Variants in ACER2 observed in about 807,000 individuals in gnomAD.
The protein encoded by ACER2 is alkCDase 2.
In ACER2, 26 loss-of-function variants were observed where a neutral mutation model predicts 34.7. The ratio of observed to expected loss-of-function variants is 0.75; its 90% CI spans 0.55 to 1.04. ACER2 has a LOEUF of 1.04. ACER2 is among the 50% of genes least tolerant of loss of function. The probability of loss-of-function intolerance (pLI) is 0.00; values close to 1 mark genes in which losing one functional copy is unlikely to be tolerated. For missense variants in ACER2, 352 were observed against 340.8 expected, an observed-to-expected ratio of 1.03 and a Z score of -0.26; for synonymous variants, 138 against 132.1, an observed-to-expected ratio of 1.04 and a Z score of -0.31.
chr9:19,432,079 G>C (rs1397678703), intron 3 of ACER2, among the ~76,000 whole-genome samples: 1 of 152,204 alleles, frequency 6.6e-6, no homozygotes, highest in Non-Finnish European at 1.5e-5. Flanking sequence ...AGAAGAAAGA[G>C]CGTGTCTAGG....
At chr9:19,427,146 T>C (rs1830596308) in intron 3 of ACER2, among the ~76,000 whole-genome samples, 1 of 152,186 alleles carries the variant, frequency 6.6e-6, no homozygotes, top group Non-Finnish European at 1.5e-5. Flanking sequence ...TAAAATTAGG[T>C]AAACAATAGT....
At chr9:19,426,355 TCTTTC>T (rs1830569215) in intron 3 of ACER2, among the ~76,000 whole-genome samples, 1 of 131,060 alleles carries the variant, frequency 7.6e-6, no homozygotes, top group South Asian at 2.6e-4. Flanking sequence ...TTTCTCCCTC[TCTTTC>T]TCTCTCTCTC....
At chr9:19,414,529 T>A (rs1830181609) in intron 1 of ACER2, among the ~76,000 whole-genome samples, 1 of 152,178 alleles carries the variant, frequency 6.6e-6, no homozygotes, top group African/African-American at 2.4e-5. Flanking sequence ...ACACCTCTAA[T>A]CCTAGTACTT....
chr9:19,438,561 A>G (rs76388005), intron 4 of ACER2, among the ~76,000 whole-genome samples: 38 of 152,348 alleles, frequency 2.5e-4, no homozygotes, highest in Non-Finnish European at 5.0e-4. Context: ...TGGCAAACAC[A>G]TAATTAAATT....
intron 1 of ACER2, among the ~76,000 whole-genome samples, chr9:19,416,036 G>C (rs553731732): frequency 6.6e-6 from 1 of 150,750 alleles, no homozygotes; most frequent in Admixed American, 6.7e-5. Flanking sequence ...CTCTGGGGAA[G>C]AGGCTAGAAA....
chr9:19,424,694 T>G lies in ACER2; in HGVS notation c.224-6T>G. 6.2e-7 allele frequency: 1 copy of G among 1,612,962 alleles called. No individual in the cohort carries two copies. ...ACCTTTTTTTATTGGTTGTAATTGA[T>G]TCTAGGAATTGGATCCGTCTACTTC... On this transcript the variant is annotated splice_polypyrimidine_tract_variant and splice_region_variant and intron_variant, in intron 2 of 5. Transcript: ENST00000340967.
intron 1 of ACER2, among the ~76,000 whole-genome samples, chr9:19,421,776 T>G (rs1035669189): frequency 4.7e-5 from 7 of 148,970 alleles, no homozygotes; most frequent in African/African-American, 7.7e-5. Context: ...TTTTTAAAGT[T>G]CAGAAAAAAA....
chr9:19,434,390 C>T (rs1830885809), intron 3 of ACER2, among the ~76,000 whole-genome samples: 1 of 152,232 alleles, frequency 6.6e-6, no homozygotes, highest in Non-Finnish European at 1.5e-5. Context: ...GCAGAGGCTG[C>T]AATCTCGGCA....
intron 3 of ACER2, among the ~76,000 whole-genome samples, chr9:19,430,985 A>G (rs1251704472): frequency 6.7e-6 from 1 of 149,798 alleles, no homozygotes; most frequent in East Asian, 1.9e-4. Flanking sequence ...AAAAAACCCA[A>G]CAAAACCAAA....
intron 1 of ACER2, among the ~76,000 whole-genome samples, chr9:19,421,000 C>T (rs577505988): frequency 6.6e-6 from 1 of 152,258 alleles, no homozygotes; most frequent in Admixed American, 6.5e-5. Context: ...CATACTTACA[C>T]AAATCTAGAT....
At chr9:19,447,474 C>T (rs1831408567) in intron 5 of ACER2, among the ~76,000 whole-genome samples, 1 of 152,160 alleles carries the variant, frequency 6.6e-6, no homozygotes, top group African/African-American at 2.4e-5. Flanking sequence ...TTGGAGTTTA[C>T]CGTCTTAGGA....
chr9:19,435,167 C>G lies in ACER2; in HGVS notation c.503+83C>G, dbSNP rs936123494. The G allele has an allele frequency of 2.0e-6, 3 of 1,496,948 alleles. No individual in the cohort carries two copies. In the African/African-American group the frequency reaches 4.2e-5, roughly 21 times the overall value. The allele number at this position is 1,496,948 out of a possible 1,614,324, so 92.7% of individuals were successfully genotyped here. ...TCGGGGCTTCTTTGCTGTCCTGTAG[C>G]AGAAGAGGAGTTTTATTCCTTGTGA... On this transcript the variant is annotated intron_variant, in intron 4 of 5. Coordinates refer to ENST00000340967, the MANE Select transcript of ACER2 (RefSeq NM_001010887.3).
At chr9:19,440,116 G>T (rs546647702) in intron 4 of ACER2, among the ~76,000 whole-genome samples, 9 of 152,216 alleles carry the variant, frequency 5.9e-5, no homozygotes, top group African/African-American at 2.2e-4. Flanking sequence ...AGACCCCCCT[G>T]TATCTTATGT....
chr9:19,426,772 G>A (rs1830583968), intron 3 of ACER2, among the ~76,000 whole-genome samples: 1 of 151,980 alleles, frequency 6.6e-6, no homozygotes, highest in South Asian at 2.1e-4. Context: ...CTTTAATAAT[G>A]AAAACAGAGC....
chr9:19,423,569 T>C (rs1563876886), intron 1 of ACER2, among the ~76,000 whole-genome samples: 1 of 152,000 alleles, frequency 6.6e-6, no homozygotes, highest in Non-Finnish European at 1.5e-5. Context: ...GGTATGGTGG[T>C]GGGTGCCTGT....
chr9:19,441,474 A>AG (rs1259493180), intron 4 of ACER2, among the ~76,000 whole-genome samples: 2 of 152,102 alleles, frequency 1.3e-5, no homozygotes, highest in Non-Finnish European at 2.9e-5. Flanking sequence ...TTCCATCCTC[A>AG]GCCACTCTGA....
intron 4 of ACER2, among the ~76,000 whole-genome samples, chr9:19,437,210 C>A (rs1343175376): frequency 1.3e-5 from 2 of 152,222 alleles, no homozygotes; most frequent in Non-Finnish European, 2.9e-5. Context: ...TCAGAGCCTT[C>A]CTAAACTGTA....
At chr9:19,410,486 G>C (rs764267286) in intron 1 of ACER2, among the ~76,000 whole-genome samples, 2 of 152,204 alleles carry the variant, frequency 1.3e-5, no homozygotes, top group Non-Finnish European at 2.9e-5. Context: ...AAGGCAGGTG[G>C]ATCGCTTGAA....
intron 5 of ACER2, among the ~76,000 whole-genome samples, chr9:19,447,023 A>G (rs1048887423): frequency 6.6e-6 from 1 of 151,710 alleles, no homozygotes; most frequent in African/African-American, 2.4e-5. Context: ...GGATACACTA[A>G]GTTAAAAAAA....
Sources: allele counts gnomAD v4.1 joint callset (sites outside exome capture counted in the v4.1 genomes callset), GRCh38; gene constraint gnomAD v4.1.1; transcripts MANE v1.5; gene names NCBI Gene and HGNC (gene_info 2026-07-23, HGNC 2026-07-21).